Variants in EPHA10 observed in about 807,000 individuals in gnomAD.
The protein encoded by EPHA10 is ephrin type-A receptor 10.
Under a neutral mutation model 109.7 loss-of-function variants are expected in EPHA10, and 120 were observed. The observed-to-expected ratio is 1.09, with a 90% CI of 0.94 to 1.27. The LOEUF (loss-of-function observed/expected upper bound fraction) is 1.27, where lower values mean the gene tolerates loss of function less well. Among genes scored for constraint, EPHA10 ranks in the 50% most tolerant of loss-of-function variants. The pLI is 0.00. For synonymous variants in EPHA10, 640 were observed against 618.9 expected (o/e 1.03, Z -0.51); for missense variants, 1,396 against 1,411.1 (o/e 0.99, Z 0.17).
At chr1:37,735,468 C>T in intron 5 of EPHA10, 78 bp from the exon 6 acceptor site, 3 of 1,497,020 alleles carry the variant, frequency 2.0e-6, no homozygotes, top group Non-Finnish European at 2.7e-6. Flanking sequence ...GAGGGTGCGG[C>T]GTGCGGGGCT....
chr1:37,743,708 T>C (rs1251942518), intron 5 of EPHA10, among the ~76,000 whole-genome samples: 2 of 152,190 alleles, frequency 1.3e-5, no homozygotes, highest in Non-Finnish European at 2.9e-5. Context: ...GTAAAATAGG[T>C]GATTTCGCCC....
rs983150044 is a variant in EPHA10 at position 37,720,182 on chromosome 1, A to G, written c.2413-124T>C. The stretch of plus-strand genomic sequence containing the variant: ...AGGCAACCCCCAACTCCAGCTTCAC[A>G]TCTGGGAAAGACAGAAAAGCTGACC... On this transcript the variant is annotated intron_variant, in intron 13 of 16. Transcript: ENST00000373048. The G allele has an allele frequency of 4.2e-6, 6 of 1,438,224 alleles. No individual in the cohort carries two copies. The African/African-American group carries it at 7.1e-5, about 17-fold the overall frequency. The allele number at this position is 1,438,224 out of a possible 1,614,324, so 89.1% of individuals were successfully genotyped here.
At chr1:37,737,236 G>GCCA (rs778853764) in intron 5 of EPHA10, among the ~76,000 whole-genome samples, 2 of 151,976 alleles carry the variant, frequency 1.3e-5, no homozygotes, top group Non-Finnish European at 2.9e-5. Flanking sequence ...ATCACTTGAG[G>GCCA]CCAGCATTTT....
intron 3 of EPHA10, chr1:37,760,718 T>A (rs1646422648): frequency 4.9e-6 from 1 of 203,392 alleles, no homozygotes; most frequent in East Asian, 7.5e-5. Flanking sequence ...AGCTCCCCAT[T>A]TCCTAACTTT....
chr1:37,731,376 G>A, intron 7 of EPHA10, 35 bp downstream of exon 7: 2 of 1,551,244 alleles, frequency 1.3e-6, no homozygotes, highest in Non-Finnish European at 1.7e-6. Flanking sequence ...GGTTCTCTCT[G>A]TCTAGGTCCC....
In EPHA10 at chr1:37,731,540, G is replaced by T. The variant is rs201305517; in HGVS notation, c.1534C>A (p.Pro512Thr). The change falls in exon 7 of 17, where the codon CCC becomes ACC. Residue 512 changes from proline to threonine, a missense_variant. Pro to Thr is a conservative substitution (Grantham distance 38). Coordinates refer to ENST00000373048, the MANE Select transcript of EPHA10 (RefSeq NM_001099439.2). ...TTCAGGTTGGTGACGGTGACTGTGG[G>T]CGCCCCTGTCTTCACCATGGAGTAA... ...QTYSMVKTGA[P>T]TVTVTNLKPA... 3.1e-6 allele frequency: 5 copies of T among 1,613,896 alleles called. No homozygotes were observed. The highest frequency in any genetic ancestry group is 4.2e-6 in the Non-Finnish European group (5 of 1,179,944).
At chr1:37,734,184 T>C (rs1298971843) in intron 6 of EPHA10, among the ~76,000 whole-genome samples, 1 of 152,208 alleles carries the variant, frequency 6.6e-6, no homozygotes, top group Non-Finnish European at 1.5e-5. Context: ...CTTCAGTGAA[T>C]ATAATTTGCA....
intron 11 of EPHA10, among the ~76,000 whole-genome samples, chr1:37,721,271 C>A (rs55829874): frequency 0.15 from 20,164 of 138,146 alleles, 1,508 homozygotes; most frequent in Non-Finnish European, 0.17. Flanking sequence ...AAAAAAAAAA[C>A]AAAAAAATTA....
In EPHA10 at chr1:37,731,430, T is replaced by A; in HGVS notation, c.1644A>T (p.Glu548Asp). Residue 548 changes from glutamate (E) to aspartate (D), a missense_variant, in exon 7 of 17, where the codon GAA becomes GAT. Transcript: ENST00000373048. ...WEAQSFNPSI[E>D]VQTLGEAASG... is the part of the protein sequence containing the mutation. ...ACTTACCCTCCCCCAGGGTCTGTAC[T>A]TCAATGCTGGGGTTAAAACTCTGGG... is the stretch of plus-strand genomic sequence containing the variant. 6.2e-7 allele frequency: 1 copy of A among 1,611,530 alleles called. No homozygotes were observed. The highest frequency in any genetic ancestry group is 8.5e-7 in the Non-Finnish European group (1 of 1,178,594).
chr1:37,752,764 G>T, intron 5 of EPHA10, 112 bp downstream of exon 5: 1 of 632,560 alleles, frequency 1.6e-6, no homozygotes, highest in Non-Finnish European at 2.1e-6. Flanking sequence ...ACAGAGGATG[G>T]CTTCTCTGGG....
intron 8 of EPHA10, among the ~76,000 whole-genome samples, chr1:37,724,256 GTTTATGGTGGTGCCA>G (rs1212467225): frequency 6.6e-6 from 1 of 152,206 alleles, no homozygotes; most frequent in Non-Finnish European, 1.5e-5. Context: ...GTTGCCCACA[GTTTATGGTGGTGCCA>G]TTTACTGGGA....
intron 4 of EPHA10, among the ~76,000 whole-genome samples, chr1:37,753,488 G>C (rs1240273168): frequency 1.3e-5 from 2 of 151,722 alleles, no homozygotes; most frequent in African/African-American, 4.8e-5. Flanking sequence ...GAACAGGGAT[G>C]GATGAGCGGG....
chr1:37,760,494 T>C (rs1173634530), intron 3 of EPHA10: 2 of 1,028,346 alleles, frequency 1.9e-6, no homozygotes, highest in African/African-American at 1.7e-5. Flanking sequence ...CGTAATCATC[T>C]AGTGCAACTT....
intron 8 of EPHA10, 54 bp from the exon 9 acceptor site, chr1:37,723,426 T>C: frequency 6.3e-7 from 1 of 1,595,664 alleles, no homozygotes; most frequent in Non-Finnish European, 8.6e-7. Context: ...GCCCTTCCCA[T>C]TACAGAGCAC....
At chr1:37,753,263 C>T (rs1484949826) in intron 4 of EPHA10, 37 bp from the exon 5 acceptor site, 2 of 256,670 alleles carry the variant, frequency 7.8e-6, no homozygotes, top group East Asian at 2.7e-4. Context: ...CAGGGCGGGG[C>T]GTGGGTGCCC....
chr1:37,751,379 G>A (rs1646323299), intron 5 of EPHA10, among the ~76,000 whole-genome samples: 1 of 151,574 alleles, frequency 6.6e-6, no homozygotes, highest in African/African-American at 2.4e-5. Flanking sequence ...CACCAGCCTG[G>A]CCAATATGGT....
intron 5 of EPHA10, among the ~76,000 whole-genome samples, chr1:37,745,764 T>C (rs1233789711): frequency 6.6e-6 from 1 of 152,168 alleles, no homozygotes; most frequent in Admixed American, 6.5e-5. Flanking sequence ...GCTTGAGAAT[T>C]GCTTGAACCT....
intron 3 of EPHA10, among the ~76,000 whole-genome samples, chr1:37,759,018 A>G (rs1646411689): frequency 6.6e-6 from 1 of 152,034 alleles, no homozygotes; most frequent in African/African-American, 2.4e-5. Flanking sequence ...TCTCTCAATG[A>G]TCTCTGCCAC....
In EPHA10 at chr1:37,751,217, AG is replaced by A. The variant is rs1204734666; in HGVS notation, c.1357+1658del. Reference sequence around the variant, plus strand: ...GACTCCTCTCAAAAAAAAAAAAAAAAGAAAGAAAGAAAGAAAAAGAAAAAGA... The same window carrying A: ...GACTCCTCTCAAAAAAAAAAAAAAAAAAAGAAAGAAAGAAAAAGAAAAAGA... On this transcript the variant is annotated intron_variant, in intron 5 of 16. Coordinates refer to ENST00000373048, the MANE Select transcript of EPHA10 (RefSeq NM_001099439.2). 1.3e-3 allele frequency among the ~76,000 whole-genome samples: 152 copies of A among 118,804 alleles called. 4 individuals are homozygous for A. Among genetic ancestry groups the A allele is most frequent in the Middle Eastern group, 9.8e-3 (2 of 204 alleles). 77.9% of individuals were successfully genotyped at this position (118,804 alleles called of 152,430 possible).
Sources: gnomAD v4.1 joint callset for allele counts (sites outside exome capture counted in the v4.1 genomes callset) on GRCh38, gnomAD v4.1.1 for gene constraint, MANE v1.5 for transcripts, NCBI Gene and HGNC (gene_info 2026-07-23, HGNC 2026-07-21) for gene names.